The following CCL22 variants were observed in gnomAD, a reference collection of about 807,000 sequenced individuals.
The protein encoded by CCL22 is C-C motif chemokine 22.
In CCL22, 7 loss-of-function variants were observed where a neutral mutation model predicts 7.6. That is an observed-to-expected ratio of 0.92 (90% CI 0.52 to 1.72). CCL22 has a LOEUF of 1.72. Among genes scored for constraint, CCL22 ranks in the 40% most tolerant of loss-of-function variants. CCL22 has a pLI of 0.00. For missense variants in CCL22, 115 were observed against 124.7 expected (o/e 0.92, Z 0.37); for synonymous variants, 55 against 47.2 (o/e 1.17, Z -0.68).
intron 1 of CCL22, among the ~76,000 whole-genome samples, chr16:57,359,947 G>A (rs930843941): frequency 3.3e-5 from 5 of 152,110 alleles, no homozygotes; most frequent in African/African-American, 1.2e-4. Context: ...ATCCATTTTT[G>A]TCCAGAACCT....
chr16:57,363,812 T>C lies in CCL22; in HGVS notation c.*224T>C. ...TGCCTCCCTCCCTGCAGTCAGAGGG[T>C]CCTGTTCCCATCAGCGATTCCCCTG... On this transcript the variant is annotated 3_prime_UTR_variant, in exon 3 of 3. Coordinates refer to ENST00000219235, the MANE Select transcript of CCL22 (RefSeq NM_002990.5). 1.9e-6 allele frequency: 1 copy of C among 529,560 alleles called. No individual in the cohort carries two copies. The highest frequency in any genetic ancestry group is 1.9e-5 in the African/African-American group (1 of 52,466). 32.8% of individuals were successfully genotyped at this position (529,560 alleles called of 1,614,324 possible). A position where few individuals can be genotyped will look rare whatever the true frequency, so the allele number is the denominator to read the frequency against.
chr16:57,364,478 CTTT>C lies in CCL22; in HGVS notation c.*905_*907del, dbSNP rs11405534. 3.0e-5 allele frequency: 4 copies of C among 133,356 alleles called. No individual in the cohort carries two copies. The highest frequency in any genetic ancestry group is 7.9e-5 in the Admixed American group (1 of 12,698). 8.3% of individuals were successfully genotyped at this position (133,356 alleles called of 1,614,324 possible). Reference sequence around the variant, plus strand: ...AGATTCACCTTTCTTCCCCCACTCCCTTTTTTTTTTTTTTTTTGAGATGGAGTT... The same window carrying C: ...AGATTCACCTTTCTTCCCCCACTCCCTTTTTTTTTTTTTTGAGATGGAGTT... On this transcript the variant is annotated 3_prime_UTR_variant, in exon 3 of 3. Coordinates refer to ENST00000219235, the MANE Select transcript of CCL22 (RefSeq NM_002990.5).
chr16:57,360,296 C>T (rs1238527396), intron 1 of CCL22, 141 bp from the exon 2 acceptor site: 2 of 1,044,610 alleles, frequency 1.9e-6, no homozygotes, highest in East Asian at 2.6e-5. Context: ...GCTCAGAATC[C>T]TCTGGTCACC....
Position 57,358,856 on chromosome 16 carries a change from C to G in CCL22, c.40C>G (p.Leu14Val), listed in dbSNP as rs1211154599. 6.2e-7 allele frequency: 1 copy of G among 1,613,912 alleles called. No individual in the cohort carries two copies. The highest frequency in any genetic ancestry group is 1.7e-5 in the Admixed American group (1 of 60,022). Residue 14 changes from leucine (L) to valine (V), a missense_variant, in exon 1 of 3, where the codon CTC becomes GTC. Physicochemically the swap from Leu to Val is conservative, Grantham distance 32. Coordinates refer to ENST00000219235, the MANE Select transcript of CCL22 (RefSeq NM_002990.5). ...GACTGCACTCCTGGTTGTCCTCGTC[C>G]TCCTTGCTGTGGCGCTTCAAGCAAC... Reference protein sequence around the residue: ...LQTALLVVLVLLAVALQATEA... With the variant: ...LQTALLVVLVVLAVALQATEA...
chr16:57,364,011 G>T lies in CCL22; in HGVS notation c.*423G>T. ...ACCCATACTACACATCCCACTTCTG[G>T]GTCTTTGCCTGGGATGTTGCTGACA... On this transcript the variant is annotated 3_prime_UTR_variant, in exon 3 of 3. Transcript: ENST00000219235. 5.9e-6 allele frequency: 1 copy of T among 168,508 alleles called. No individual in the cohort carries two copies. Among genetic ancestry groups the T allele is most frequent in the Non-Finnish European group, 1.3e-5 (1 of 77,058 alleles). 10.4% of individuals were successfully genotyped at this position (168,508 alleles called of 1,614,324 possible).
In CCL22 at chr16:57,360,423, G is replaced by T; in HGVS notation, c.74-14G>T. The T allele has an allele frequency of 6.2e-7, 1 of 1,614,040 alleles. No individual in the cohort carries two copies. Among genetic ancestry groups the T allele is most frequent in the Non-Finnish European group, 8.5e-7 (1 of 1,179,972 alleles). On this transcript the variant is annotated splice_polypyrimidine_tract_variant and intron_variant, in intron 1 of 2. Transcript: ENST00000219235. ...GGCTCCAGCTTGTGAATTCACTGGG[G>T]ACCCCTCCCCTAGGCCCCTACGGCG...
chr16:57,365,878 G>C lies in CCL22; in HGVS notation c.*2290G>C, dbSNP rs1246842810. ...GCCGCTCTGCAGGGTATTTGAACCTGTGGAATTGGAGGAGGCCATTTCACT... is the reference window on the plus strand; with the variant it reads ...GCCGCTCTGCAGGGTATTTGAACCTCTGGAATTGGAGGAGGCCATTTCACT... On this transcript the variant is annotated 3_prime_UTR_variant, in exon 3 of 3. Coordinates refer to ENST00000219235, the MANE Select transcript of CCL22 (RefSeq NM_002990.5). 1 of 152,322 alleles carries C rather than the reference G, an allele frequency of 6.6e-6. No individual in the cohort carries two copies. Among genetic ancestry groups the C allele is most frequent in the South Asian group, 2.1e-4 (1 of 4,828 alleles). 9.4% of individuals were successfully genotyped at this position (152,322 alleles called of 1,614,324 possible).
chr16:57,363,092 TC>T (rs748795884), intron 2 of CCL22, among the ~76,000 whole-genome samples: 8 of 151,632 alleles, frequency 5.3e-5, no homozygotes, highest in Non-Finnish European at 1.2e-4. Context: ...ACCTCCTGAG[TC>T]CAAGCAATCC....
intron 2 of CCL22, among the ~76,000 whole-genome samples, chr16:57,363,018 G>A (rs1389031962): frequency 6.6e-6 from 1 of 151,484 alleles, no homozygotes. Flanking sequence ...CTTGACACGG[G>A]GTCTCATTCT....
rs532024239 is a variant in CCL22, at chr16:57,359,274, C to T, written c.73+385C>T. ...TTGGAAAGCTGGTGCTGCCCTCCCA[C>T]CATCCATTTTTTAAAATGTTATTAT... On this transcript the variant is annotated intron_variant, in intron 1 of 2. Transcript: ENST00000219235. Among the ~76,000 whole-genome samples the T allele has an allele frequency of 6.6e-4, 101 of 151,912 alleles. 1 individual carries two copies. Among genetic ancestry groups the T allele is most frequent in the Non-Finnish European group, 1.1e-3 (74 of 67,962 alleles).
At chr16:57,358,937 G>T in intron 1 of CCL22, 48 bp downstream of exon 1, 1 of 1,403,608 alleles carries the variant, frequency 7.1e-7, no homozygotes, top group Non-Finnish European at 1.0e-6. Context: ...AGGGCAGACG[G>T]TGGGGTGTCT....
intron 1 of CCL22, 67 bp from the exon 2 acceptor site, chr16:57,360,370 G>A (rs1355720320): frequency 6.3e-7 from 1 of 1,596,318 alleles, no homozygotes; most frequent in Non-Finnish European, 8.6e-7. Context: ...GCCGAGATCA[G>A]GGGCTGGGGC....
chr16:57,360,552 T>C lies in CCL22; in HGVS notation c.189T>C (p.Pro63=), dbSNP rs1902037801. Residue 63 remains proline, a synonymous_variant, in exon 2 of 3, where the codon CCT becomes CCC. Transcript: ENST00000219235. ...FYWTSDSCPR[P]GVVLLTFRDK... ...GGACCTCAGACTCCTGCCCGAGGCC[T>C]GGCGTGGTGTGAGTAGGGAGCTGGG... The C allele has an allele frequency of 1.9e-6, 3 of 1,614,104 alleles. No individual in the cohort carries two copies.
chr16:57,362,854 C>T (rs897207573), intron 2 of CCL22, among the ~76,000 whole-genome samples: 5 of 132,250 alleles, frequency 3.8e-5, no homozygotes, highest in African/African-American at 1.3e-4. Flanking sequence ...GAGACTCCAT[C>T]TCAAAAAATA....
Position 57,365,267 on chromosome 16 carries a change from C to T in CCL22, c.*1679C>T, listed in dbSNP as rs374136264. On this transcript the variant is annotated 3_prime_UTR_variant, in exon 3 of 3. Transcript: ENST00000219235. ...AGTACCCCCCATTCCACTTTCCCTGCCTCCTTCCTTAAATAGCTGACAATC... is the reference window on the plus strand; with the variant it reads ...AGTACCCCCCATTCCACTTTCCCTGTCTCCTTCCTTAAATAGCTGACAATC... 1.3e-5 allele frequency: 2 copies of T among 152,348 alleles called. No homozygotes were observed. The highest frequency in any genetic ancestry group is 3.9e-4 in the East Asian group (2 of 5,190). The allele number at this position is 152,348 out of a possible 1,614,324, so 9.4% of individuals were successfully genotyped here.
Position 57,363,514 on chromosome 16 carries a change from T to G in CCL22, c.208T>G (p.Phe70Val), listed in dbSNP as rs765154290. The G allele has an allele frequency of 1.2e-6, 2 of 1,612,406 alleles. No homozygotes were observed. Among genetic ancestry groups the G allele is most frequent in the South Asian group, 1.1e-5 (1 of 90,990 alleles). ...CPRPGVVLLT[F>V]RDKEICADPR... ...GTCTCCTTCTTCCAGGTTGCTAACC[T>G]TCAGGGATAAGGAGATCTGTGCCGA... Residue 70 changes from phenylalanine (F) to valine (V), a missense_variant, in exon 3 of 3, where the codon TTC (phenylalanine) becomes GTC (valine). Phe to Val is a conservative substitution (Grantham distance 50). Transcript: ENST00000219235.
rs565764409 is a variant in CCL22 at position 57,363,932 on chromosome 16, C to G, written c.*344C>G. Reference sequence around the variant, plus strand: ...CTGGATCTGGGTTCCATCTCTGTCTCCAGCCTGCCCACTTCCCTTCATGAA... The same window carrying G: ...CTGGATCTGGGTTCCATCTCTGTCTGCAGCCTGCCCACTTCCCTTCATGAA... On this transcript the variant is annotated 3_prime_UTR_variant, in exon 3 of 3. Transcript: ENST00000219235. 1 of 239,666 alleles carries G rather than the reference C, an allele frequency of 4.2e-6. No homozygotes were observed. Among genetic ancestry groups the G allele is most frequent in the East Asian group, 8.9e-5 (1 of 11,236 alleles). 14.8% of individuals were successfully genotyped at this position (239,666 alleles called of 1,614,324 possible). A position where few individuals can be genotyped will look rare whatever the true frequency, so the allele number is the denominator to read the frequency against.
rs1041664141 is a variant in CCL22 at position 57,363,794 on chromosome 16, C to T, written c.*206C>T. 1.8e-5 allele frequency: 10 copies of T among 566,472 alleles called. No individual in the cohort carries two copies. The highest frequency in any genetic ancestry group is 2.9e-5 in the Non-Finnish European group (9 of 314,600). 35.1% of individuals were successfully genotyped at this position (566,472 alleles called of 1,614,324 possible). On this transcript the variant is annotated 3_prime_UTR_variant, in exon 3 of 3. Coordinates refer to ENST00000219235, the MANE Select transcript of CCL22 (RefSeq NM_002990.5). ...CCCCTCTAACCCATCCTCTGCCTCCCTCCCTGCAGTCAGAGGGTCCTGTTC... is the reference window on the plus strand; with the variant it reads ...CCCCTCTAACCCATCCTCTGCCTCCTTCCCTGCAGTCAGAGGGTCCTGTTC...
chr16:57,358,806 C>G lies in CCL22; in HGVS notation c.-11C>G. ...TTGCAGACACCTGGGCTGAGACATA[C>G]AGGACAGAGCATGGATCGCCTACAG... is the stretch of plus-strand genomic sequence containing the variant. On this transcript the variant is annotated 5_prime_UTR_variant, in exon 1 of 3. Coordinates refer to ENST00000219235, the MANE Select transcript of CCL22 (RefSeq NM_002990.5). 1 of 1,608,730 alleles carries G rather than the reference C, an allele frequency of 6.2e-7. No homozygotes were observed. Among genetic ancestry groups the G allele is most frequent in the Non-Finnish European group, 8.5e-7 (1 of 1,175,078 alleles).
Sources: gnomAD v4.1 joint callset for allele counts (sites outside exome capture counted in the v4.1 genomes callset) on GRCh38, gnomAD v4.1.1 for gene constraint, MANE v1.5 for transcripts, NCBI Gene and HGNC (gene_info 2026-07-23, HGNC 2026-07-21) for gene names.